The following KIF5C variants were observed in gnomAD, a reference collection of about 807,000 sequenced individuals.
The protein encoded by KIF5C is kinesin family member 5C.
A neutral mutation model predicts 125.2 loss-of-function variants in KIF5C; 18 were observed. That is an observed-to-expected ratio of 0.14 (90% CI 0.10 to 0.21). The LOEUF (loss-of-function observed/expected upper bound fraction) is 0.21, where lower values mean the gene tolerates loss of function less well. Among genes scored for constraint, KIF5C ranks in the 10% least tolerant of loss-of-function variants. KIF5C has a pLI of 1.00. For synonymous variants in KIF5C, 405 were observed against 434.0 expected (o/e 0.93, Z 0.83); for missense variants, 780 against 1,183.8 (o/e 0.66, Z 5.01).
intron 1 of KIF5C, among the ~76,000 whole-genome samples, chr2:148,882,803 A>C (rs1681403882): frequency 6.6e-6 from 1 of 152,092 alleles, no homozygotes. Flanking sequence ...GCATCACTGT[A>C]CTTTGCCCTT....
chr2:148,988,575 T>C (rs771322597), intron 15 of KIF5C, among the ~76,000 whole-genome samples: 3 of 152,156 alleles, frequency 2.0e-5, no homozygotes, highest in Non-Finnish European at 4.4e-5. Context: ...TGGTGTAGGC[T>C]GTGAATTCCA....
rs773716901 is a variant in KIF5C, at chr2:149,005,461, A to C, written c.2442A>C (p.Lys814Asn). Residue 814 changes from lysine (K) to asparagine (N), a missense_variant, in exon 22 of 26, where the codon AAA becomes AAC. By Grantham distance (94) the Lys-to-Asn change is moderately conservative. Coordinates refer to ENST00000435030, the MANE Select transcript of KIF5C (RefSeq NM_004522.3). ...TCCAGGATCTGACCACCCGAGTTAA[A>C]AAAGTGAGTTCTCTTTGTCTGAATG... ...LFVQDLTTRV[K>N]KSVELDNDDG... The C allele has an allele frequency of 6.2e-7, 1 of 1,613,574 alleles. No homozygotes were observed. Among genetic ancestry groups the C allele is most frequent in the African/African-American group, 1.3e-5 (1 of 74,952 alleles).
rs75673372 is a variant in KIF5C at position 148,964,692 on chromosome 2, C to T, written c.1117+2573C>T. On this transcript the variant is annotated intron_variant, in intron 11 of 25. Transcript: ENST00000435030. ...AGTATCTGTGAGAAGCGCAGTTAGC[C>T]AGGCAAAATAGGGGGCATGAGGTGA... 8.2e-3 allele frequency among the ~76,000 whole-genome samples: 1,246 copies of T among 152,078 alleles called. 24 individuals carry two copies. Among genetic ancestry groups the T allele is most frequent in the African/African-American group, 0.029 (1,202 of 41,470 alleles).
At position 148,988,154 on chromosome 2, in the gene KIF5C, ATT is replaced by A. The variant is rs61484332; in HGVS notation, c.1717-2843_1717-2842del. ...TAAATAAAATTTCAGCAGCAAACTG[ATT>A]TTTTTTTTTTTTAAATAACAGTGTC... On this transcript the variant is annotated intron_variant, in intron 15 of 25. Coordinates refer to ENST00000435030, the MANE Select transcript of KIF5C (RefSeq NM_004522.3). Among the ~76,000 whole-genome samples, 185 of 146,052 alleles carry A rather than the reference ATT, an allele frequency of 1.3e-3. 2 individuals are homozygous for A. The highest frequency in any genetic ancestry group is 3.9e-3 in the African/African-American group (159 of 40,266).
chr2:148,976,974 G>A (rs1002954350), intron 12 of KIF5C, among the ~76,000 whole-genome samples: 2 of 152,124 alleles, frequency 1.3e-5, no homozygotes, highest in African/African-American at 2.4e-5. Flanking sequence ...CTTTAGAACC[G>A]GCATCAGAGT....
intron 8 of KIF5C, 134 bp downstream of exon 8, chr2:148,947,157 G>A (rs1574775950): frequency 1.5e-6 from 2 of 1,337,726 alleles, no homozygotes; most frequent in East Asian, 2.5e-5. Context: ...CTGCCAAGGT[G>A]TTATTACATT....
rs1231600826 is a variant in KIF5C, at chr2:149,015,662, T to G, written c.*7+3979T>G. Among the ~76,000 whole-genome samples the G allele has an allele frequency of 7.2e-5, 11 of 152,248 alleles. No homozygotes were observed. The East Asian group carries it at 2.1e-3, about 29-fold the overall frequency. On this transcript the variant is annotated intron_variant, in intron 25 of 25. Coordinates refer to ENST00000435030, the MANE Select transcript of KIF5C (RefSeq NM_004522.3). ...CAGGATAATGCTGGCTTTGATCTTA[T>G]CTGGTTCAAATCCACAGGGGGCTGC...
chr2:148,941,522 A>G, intron 4 of KIF5C, 88 bp from the exon 5 acceptor site: 3 of 1,502,078 alleles, frequency 2.0e-6, no homozygotes, highest in Non-Finnish European at 2.7e-6. Context: ...TTAGCCATGC[A>G]TGATGAAAGC....
At chr2:148,953,566 A>T (rs531212947) in intron 10 of KIF5C, among the ~76,000 whole-genome samples, 36 of 152,344 alleles carry the variant, frequency 2.4e-4, no homozygotes, top group Non-Finnish European at 4.3e-4. Flanking sequence ...GAACTCAGAA[A>T]AGACTGCCGG....
intron 19 of KIF5C, 164 bp downstream of exon 19, chr2:148,998,673 C>A: frequency 8.4e-7 from 1 of 1,193,140 alleles, no homozygotes; most frequent in Non-Finnish European, 1.2e-6. Context: ...AAGGTCTGTT[C>A]TCCGATCTGG....
At chr2:149,006,709 A>G (rs909438172) in intron 22 of KIF5C, among the ~76,000 whole-genome samples, 6 of 152,236 alleles carry the variant, frequency 3.9e-5, no homozygotes, top group African/African-American at 1.4e-4. Context: ...CAAGGCCTGC[A>G]TGGCAATGGC....
chr2:149,006,272 C>A (rs1483922630), intron 22 of KIF5C, among the ~76,000 whole-genome samples: 1 of 151,974 alleles, frequency 6.6e-6, no homozygotes, highest in African/African-American at 2.4e-5. Context: ...AAATGTCTTA[C>A]AAAGATAGAG....
At chr2:148,945,517 C>T (rs542945410) in intron 7 of KIF5C, among the ~76,000 whole-genome samples, 2 of 152,134 alleles carry the variant, frequency 1.3e-5, no homozygotes, top group Non-Finnish European at 2.9e-5. Flanking sequence ...TATGTCAATA[C>T]CACACTGTTT....
chr2:148,881,394 G>A (rs577525963), intron 1 of KIF5C, among the ~76,000 whole-genome samples: 16 of 152,174 alleles, frequency 1.1e-4, no homozygotes, highest in Non-Finnish European at 1.0e-4. Context: ...GTGCGTGTGC[G>A]TGTGTATATC....
intron 1 of KIF5C, among the ~76,000 whole-genome samples, chr2:148,917,226 G>A (rs149199330): frequency 8.8e-4 from 133 of 151,944 alleles, no homozygotes; most frequent in African/African-American, 2.6e-3. Flanking sequence ...TACCTTCATG[G>A]TTAACACTTT....
At chr2:148,938,452 C>T (rs183984598) in intron 4 of KIF5C, among the ~76,000 whole-genome samples, 1 of 152,290 alleles carries the variant, frequency 6.6e-6, no homozygotes, top group Admixed American at 6.5e-5. Context: ...TTTCTGCCCC[C>T]TTGCTTGACT....
chr2:148,974,794 T>A (rs1252079038), intron 12 of KIF5C, among the ~76,000 whole-genome samples: 1 of 152,212 alleles, frequency 6.6e-6, no homozygotes, highest in Admixed American at 6.5e-5. Flanking sequence ...GGCTCATTTT[T>A]AGTAATCGCA....
At chr2:149,019,984 G>A (rs1682484208) in intron 25 of KIF5C, among the ~76,000 whole-genome samples, 1 of 152,164 alleles carries the variant, frequency 6.6e-6, no homozygotes, top group Admixed American at 6.5e-5. Context: ...CCTAGAGCAG[G>A]TCAGTTGGTC....
intron 24 of KIF5C, 122 bp downstream of exon 24, chr2:149,010,473 C>A: frequency 1.4e-6 from 2 of 1,435,924 alleles, no homozygotes; most frequent in South Asian, 1.5e-5. Context: ...TGGGTTGGAG[C>A]CCGCAGGACG....
Sources: gnomAD v4.1 joint callset for allele counts (sites outside exome capture counted in the v4.1 genomes callset) on GRCh38, gnomAD v4.1.1 for gene constraint, MANE v1.5 for transcripts, NCBI Gene and HGNC (gene_info 2026-07-23, HGNC 2026-07-21) for gene names.